The following ADGRL2 variants were observed in gnomAD, a reference collection of about 807,000 sequenced individuals.
ADGRL2 encodes calcium-independent alpha-latrotoxin receptor 2.
A neutral mutation model predicts 157.4 loss-of-function variants in ADGRL2; 44 were observed. The ratio of observed to expected loss-of-function variants is 0.28; its 90% CI spans 0.22 to 0.36. The LOEUF (loss-of-function observed/expected upper bound fraction) is 0.36. ADGRL2 is among the 10% of genes least tolerant of loss of function. The pLI is 1.00. For missense variants in ADGRL2, 1,510 were observed against 1,768.9 expected (o/e 0.85, Z 2.63); for synonymous variants, 585 against 624.7 (o/e 0.94, Z 0.95).
chr1:81,589,255 A>C (rs1015488904), intron 3 of ADGRL2, among the ~76,000 whole-genome samples: 1 of 152,158 alleles, frequency 6.6e-6, no homozygotes, highest in Non-Finnish European at 1.5e-5. Flanking sequence ...CCTTGGTCCA[A>C]TTAACATGAT....
chr1:81,772,481 C>T (rs571499994), intron 2 of ADGRL2, among the ~76,000 whole-genome samples: 1 of 152,138 alleles, frequency 6.6e-6, no homozygotes, highest in African/African-American at 2.4e-5. Flanking sequence ...GTAATCCCAG[C>T]ACTGTGGGAG....
chr1:81,837,253 T>C (rs2092329644), intron 2 of ADGRL2, among the ~76,000 whole-genome samples, 196 bp downstream of exon 2: 1 of 152,064 alleles, frequency 6.6e-6, no homozygotes, highest in Admixed American at 6.6e-5. Flanking sequence ...GTGCTAGATA[T>C]GTGAATTTAT....
At chr1:81,526,626 C>T (rs2079463004) in intron 2 of ADGRL2, among the ~76,000 whole-genome samples, 1 of 152,090 alleles carries the variant, frequency 6.6e-6, no homozygotes, top group African/African-American at 2.4e-5. Flanking sequence ...TTAGGATTCT[C>T]TCCTATTGAG....
chr1:81,933,785 T>C (rs182564060), intron 3 of ADGRL2, among the ~76,000 whole-genome samples: 100 of 152,210 alleles, frequency 6.6e-4, no homozygotes, highest in African/African-American at 2.1e-3. Flanking sequence ...ATGTCTGTAT[T>C]TCTATTTCTG....
intron 1 of ADGRL2, among the ~76,000 whole-genome samples, chr1:81,405,220 A>G (rs373795695): frequency 2.0e-5 from 3 of 152,246 alleles, no homozygotes; most frequent in Admixed American, 6.5e-5. Context: ...GGGAAAGTCA[A>G]TTTTACTGAG....
intron 2 of ADGRL2, among the ~76,000 whole-genome samples, chr1:81,895,393 CTTTTT>C (rs34557038): frequency 1.0e-5 from 1 of 97,572 alleles, no homozygotes; most frequent in Non-Finnish European, 1.9e-5. Context: ...TTAAATGTAT[CTTTTT>C]TTTTTTTTTT....
chr1:81,419,798 A>T lies in ADGRL2; in HGVS notation c.-301-25238A>T, dbSNP rs115823581. On this transcript the variant is annotated intron_variant, in intron 1 of 24. Coordinates refer to the ADGRL2 transcript ENST00000370721. ...GTAGTGCAGGATAGGAGACCCACAT[A>T]GTGGTTTTAGTCCATCTAATCCCAT... Among the ~76,000 whole-genome samples, 173 of 152,326 alleles carry T rather than the reference A, an allele frequency of 1.1e-3. 1 individual carries two copies. Among genetic ancestry groups the T allele is most frequent in the African/African-American group, 4.0e-3 (165 of 41,578 alleles).
chr1:81,333,964 T>A (rs1182137697), intron 1 of ADGRL2, among the ~76,000 whole-genome samples: 1 of 152,192 alleles, frequency 6.6e-6, no homozygotes, highest in African/African-American at 2.4e-5. Flanking sequence ...TTTACTTTGA[T>A]AAGAGTTTGC....
intron 2 of ADGRL2, among the ~76,000 whole-genome samples, chr1:81,845,581 C>T (rs1041397113): frequency 6.6e-6 from 1 of 151,870 alleles, no homozygotes; most frequent in Admixed American, 6.6e-5. Flanking sequence ...GGGACAAAAA[C>T]ATTTTTTGTA....
intron 2 of ADGRL2, among the ~76,000 whole-genome samples, chr1:81,790,471 A>G (rs2087280146): frequency 6.6e-6 from 1 of 152,222 alleles, no homozygotes; most frequent in East Asian, 1.9e-4. Context: ...TGGCCTACAA[A>G]AATATTTCAA....
chr1:81,780,887 C>T (rs1312059013), intron 2 of ADGRL2, among the ~76,000 whole-genome samples: 1 of 152,080 alleles, frequency 6.6e-6, no homozygotes, highest in East Asian at 1.9e-4. Context: ...CTTTTGGCAT[C>T]CCTAAGACCA....
intron 1 of ADGRL2, among the ~76,000 whole-genome samples, chr1:81,324,417 G>A (rs1660741680): frequency 6.6e-6 from 1 of 151,386 alleles, no homozygotes; most frequent in African/African-American, 2.4e-5. Context: ...GCTGAGGCAG[G>A]AGGATGGTTT....
chr1:81,803,564 C>T (rs1270301302), intron 1 of ADGRL2, among the ~76,000 whole-genome samples: 1 of 152,058 alleles, frequency 6.6e-6, no homozygotes, highest in African/African-American at 2.4e-5. Flanking sequence ...CTCTCCCCGC[C>T]CTCCATTCCG....
At chr1:81,774,498 AG>A (rs2086499412) in intron 2 of ADGRL2, among the ~76,000 whole-genome samples, 1 of 152,306 alleles carries the variant, frequency 6.6e-6, no homozygotes, top group African/African-American at 2.4e-5. Context: ...ACAGATTTTC[AG>A]GCTCCTGACC....
intron 2 of ADGRL2, among the ~76,000 whole-genome samples, chr1:81,866,055 G>C (rs709710): frequency 0.99 from 150,774 of 152,318 alleles, 74,646 homozygotes; most frequent in Middle Eastern, 1. Context: ...GATTAAAATC[G>C]AACCTTCCTT....
chr1:81,707,105 G>A (rs925993058), intron 1 of ADGRL2, among the ~76,000 whole-genome samples: 1 of 152,142 alleles, frequency 6.6e-6, no homozygotes. Flanking sequence ...GAGGCCTGTT[G>A]TAATCCTGGT....
At position 81,762,674 on chromosome 1, in the gene ADGRL2, A is replaced by G. The variant is rs115918841; in HGVS notation, c.-101+822A>G. ...TAGGTTAAGTGAAAAAGCAGGGTAC[A>G]GAACTACATACATTACATGTTGTGT... is the stretch of plus-strand genomic sequence containing the variant. On this transcript the variant is annotated intron_variant, in intron 2 of 20. Transcript: ENST00000359929. Among the ~76,000 whole-genome samples, 143 of 152,280 alleles carry G rather than the reference A, an allele frequency of 9.4e-4. 1 individual carries two copies. Among genetic ancestry groups the G allele is most frequent in the African/African-American group, 3.3e-3 (138 of 41,556 alleles).
At chr1:81,913,952 T>C (rs1264112023) in intron 3 of ADGRL2, among the ~76,000 whole-genome samples, 2 of 152,004 alleles carry the variant, frequency 1.3e-5, no homozygotes, top group African/African-American at 4.8e-5. Flanking sequence ...AGATACTAAT[T>C]TTATATAAAA....
intron 2 of ADGRL2, among the ~76,000 whole-genome samples, chr1:81,904,219 T>C (rs774078979): frequency 5.3e-5 from 8 of 152,170 alleles, no homozygotes; most frequent in Non-Finnish European, 1.0e-4. Context: ...TATATATATA[T>C]ACTAAAAGTG....
Sources: gnomAD v4.1 joint callset for allele counts (sites outside exome capture counted in the v4.1 genomes callset) on GRCh38, gnomAD v4.1.1 for gene constraint, MANE v1.5 for transcripts, NCBI Gene and HGNC (gene_info 2026-07-23, HGNC 2026-07-21) for gene names.